Variants in OR1J2 observed in about 807,000 individuals in gnomAD.
OR1J2 encodes olfactory receptor family 1 subfamily J member 2.
For synonymous variants in OR1J2, 142 were observed against 99.7 expected (o/e 1.42, Z -2.52); for missense variants, 304 against 246.1 (o/e 1.24, Z -1.57).
chr9:122,464,864 T>C, the OR1J2 span, among the ~76,000 whole-genome samples: 4 of 152,306 alleles, frequency 2.6e-5, no homozygotes, highest in East Asian at 7.7e-4. Context: ...TATAAGACTT[T>C]TTGTCTTTTT....
At chr9:122,508,481 TTTATTAAAGGAATATTCC>T (rs936197885), upstream of OR1J2, among the ~76,000 whole-genome samples, 110 of 152,108 alleles carry the variant, frequency 7.2e-4, no homozygotes, top group African/African-American at 2.2e-3. Flanking sequence ...TAAAGGAAAT[TTTATTAAAGGAATATTCC>T]TTATTAAAGG....
chr9:122,468,473 A>G, the OR1J2 span, among the ~76,000 whole-genome samples: 6 of 152,348 alleles, frequency 3.9e-5, no homozygotes, highest in Middle Eastern at 0.01. Context: ...GTAAGTTTTT[A>G]AAAAGCTAAA....
At chr9:122,553,869 T>C in the OR1J2 span, 1 of 1,614,066 alleles carries the variant, frequency 6.2e-7, no homozygotes, top group Non-Finnish European at 8.5e-7. Flanking sequence ...GATCGTCTTC[T>C]CCTATGTCCG....
chr9:122,537,154 C>T, the OR1J2 span, among the ~76,000 whole-genome samples: 1 of 152,216 alleles, frequency 6.6e-6, no homozygotes, highest in South Asian at 2.1e-4. Flanking sequence ...CAACACTAAA[C>T]ATTTCACATG....
the OR1J2 span, among the ~76,000 whole-genome samples, chr9:122,487,141 CAATA>C: frequency 1.3e-5 from 2 of 150,982 alleles, no homozygotes; most frequent in African/African-American, 4.9e-5. Context: ...AATATGTAGT[CAATA>C]AAATAAATTC....
At chr9:122,478,077 G>T in the OR1J2 span, 1 of 603,054 alleles carries the variant, frequency 1.7e-6, no homozygotes, top group Non-Finnish European at 2.8e-6. Flanking sequence ...CACATATTTT[G>T]CTGCAAATGT....
the OR1J2 span, among the ~76,000 whole-genome samples, chr9:122,469,416 A>C: frequency 6.6e-6 from 1 of 152,180 alleles, no homozygotes; most frequent in African/African-American, 2.4e-5. Flanking sequence ...ACCATGTAAG[A>C]AGTGCCTTTC....
At chr9:122,556,663 A>G in the OR1J2 span, among the ~76,000 whole-genome samples, 8 of 152,164 alleles carry the variant, frequency 5.3e-5, no homozygotes, top group Non-Finnish European at 8.8e-5. Flanking sequence ...CTGCACATGT[A>G]TCCCAGAACT....
chr9:122,568,258 A>C, the OR1J2 span: 1 of 1,614,072 alleles, frequency 6.2e-7, no homozygotes, highest in South Asian at 1.1e-5. Flanking sequence ...CTTGTTGTAA[A>C]GCAAATATCA....
the OR1J2 span, among the ~76,000 whole-genome samples, chr9:122,497,238 C>G: frequency 6.6e-6 from 1 of 152,216 alleles, no homozygotes; most frequent in Non-Finnish European, 1.5e-5. Flanking sequence ...CTGGTATGTT[C>G]TTGTAGATAG....
the OR1J2 span, among the ~76,000 whole-genome samples, chr9:122,578,786 T>A: frequency 1.3e-5 from 2 of 151,972 alleles, no homozygotes; most frequent in Non-Finnish European, 2.9e-5. Context: ...AATGATACAA[T>A]GAACTTTGGG....
At chr9:122,537,929 C>G in the OR1J2 span, among the ~76,000 whole-genome samples, 5 of 152,190 alleles carry the variant, frequency 3.3e-5, no homozygotes, top group Non-Finnish European at 7.3e-5. Flanking sequence ...CTGGGCATCT[C>G]ATTTGCATAA....
chr9:122,479,063 G>T, the OR1J2 span, among the ~76,000 whole-genome samples: 1 of 152,134 alleles, frequency 6.6e-6, no homozygotes, highest in Non-Finnish European at 1.5e-5. Context: ...TAAGATAAGT[G>T]TAAGATATTT....
At chr9:122,561,020 C>T in the OR1J2 span, among the ~76,000 whole-genome samples, 659 of 152,240 alleles carry the variant, frequency 4.3e-3, 4 homozygotes, top group African/African-American at 0.015. Flanking sequence ...AGGTTTTGCT[C>T]ATCCCTTTTC....
the OR1J2 span, among the ~76,000 whole-genome samples, chr9:122,468,275 C>G: frequency 6.6e-6 from 1 of 152,130 alleles, no homozygotes; most frequent in Non-Finnish European, 1.5e-5. Context: ...ACATTTAGAA[C>G]CAGAACAGAT....
At chr9:122,554,161 G>C in the OR1J2 span, 5 of 1,607,512 alleles carry the variant, frequency 3.1e-6, no homozygotes, top group Non-Finnish European at 4.2e-6. Flanking sequence ...TTCTTTTTAT[G>C]ATTAGACATC....
downstream of OR1J2, among the ~76,000 whole-genome samples, chr9:122,516,038 C>T (rs1046903525): frequency 1.3e-5 from 2 of 151,954 alleles, no homozygotes; most frequent in African/African-American, 4.8e-5. Context: ...ATAGACCTTA[C>T]CTTATTTAAT....
At chr9:122,515,785 C>T (rs1199717721), downstream of OR1J2, among the ~76,000 whole-genome samples, 1 of 152,108 alleles carries the variant, frequency 6.6e-6, no homozygotes, top group African/African-American at 2.4e-5. Flanking sequence ...GTGTAGCATC[C>T]ATACTGCATC....
the OR1J2 span, chr9:122,567,878 C>T: frequency 1.2e-6 from 2 of 1,614,006 alleles, no homozygotes; most frequent in Non-Finnish European, 1.7e-6. Flanking sequence ...CTTCTGTCAT[C>T]TGCACAATTT....
Sources: allele counts gnomAD v4.1 joint callset (sites outside exome capture counted in the v4.1 genomes callset), GRCh38; gene constraint gnomAD v4.1.1; transcripts MANE v1.5; gene names NCBI Gene and HGNC (gene_info 2026-07-23, HGNC 2026-07-21).